Variants in CSMD1 observed in about 807,000 individuals in gnomAD.
CSMD1 encodes the protein CUB and Sushi multiple domains 1, also known as CUB and sushi domain-containing protein 1.
Under a neutral mutation model 417.5 loss-of-function variants are expected in CSMD1, and 213 were observed. The observed-to-expected ratio is 0.51, with a 90% CI of 0.46 to 0.57. The LOEUF (loss-of-function observed/expected upper bound fraction) is 0.57, where lower values mean the gene tolerates loss of function less well. Ranked by LOEUF, CSMD1 falls within the 20% of genes least tolerant of loss-of-function variation. The pLI, the probability that CSMD1 is intolerant of heterozygous loss-of-function variation, is 0.00. For missense variants in CSMD1, 6,923 were observed against 4,529.7 expected (o/e 1.53, Z -15.17); for synonymous variants, 2,862 against 1,736.8 (o/e 1.65, Z -16.11).
Position 4,882,581 on chromosome 8 carries a change from C to T in CSMD1, c.85+111751G>A, listed in dbSNP as rs559553457. The stretch of plus-strand genomic sequence containing the variant: ...CAACCCCACTTTCCCTAAGAACATT[C>T]AACCCCAAGCATAGAGAAAGATGCA... On this transcript the variant is annotated intron_variant, in intron 1 of 69. Coordinates refer to ENST00000635120, the MANE Select transcript of CSMD1 (RefSeq NM_033225.6). Among the ~76,000 whole-genome samples the T allele has an allele frequency of 2.6e-5, 4 of 151,982 alleles. No homozygotes were observed. The East Asian group carries it at 7.8e-4, about 30-fold the overall frequency.
intron 3 of CSMD1, among the ~76,000 whole-genome samples, chr8:4,075,380 A>G (rs1203988375): frequency 6.6e-6 from 1 of 152,208 alleles, no homozygotes; most frequent in Non-Finnish European, 1.5e-5. Flanking sequence ...TTGATGCTAA[A>G]GAACAGAAAA....
At chr8:3,670,009 A>G (rs921469867) in intron 7 of CSMD1, among the ~76,000 whole-genome samples, 7 of 152,202 alleles carry the variant, frequency 4.6e-5, no homozygotes, top group Admixed American at 2.0e-4. Context: ...ACATTTCTAA[A>G]TAAGTTATGT....
chr8:4,722,822 A>G lies in CSMD1; in HGVS notation c.86-85264T>C, dbSNP rs114496214. ...CTTGTTTTCTTCTACCTCTTAACAA[A>G]GTCATAAATACTACTGGAATGACAC... On this transcript the variant is annotated intron_variant, in intron 1 of 69. Coordinates refer to ENST00000635120, the MANE Select transcript of CSMD1 (RefSeq NM_033225.6). Among the ~76,000 whole-genome samples the G allele has an allele frequency of 2.2e-3, 328 of 152,306 alleles. 2 individuals are homozygous for G. Among genetic ancestry groups the G allele is most frequent in the African/African-American group, 7.6e-3 (316 of 41,568 alleles).
At chr8:3,440,686 T>C (rs1280217932) in intron 12 of CSMD1, among the ~76,000 whole-genome samples, 1 of 152,232 alleles carries the variant, frequency 6.6e-6, no homozygotes, top group South Asian at 2.1e-4. Context: ...AGCACTATAC[T>C]GAATGGGAAG....
At chr8:3,745,199 A>AT (rs1159053541) in intron 6 of CSMD1, among the ~76,000 whole-genome samples, 2 of 152,180 alleles carry the variant, frequency 1.3e-5, no homozygotes, top group African/African-American at 4.8e-5. Flanking sequence ...TCTCTGTTAT[A>AT]TTTTTTGGGG....
In CSMD1 at chr8:4,648,422, G is replaced by C. The variant is rs375419213; in HGVS notation, c.86-10864C>G. On this transcript the variant is annotated intron_variant, in intron 1 of 69. Transcript: ENST00000635120. ...AATGGTGCCTCAGCCATGAGTCTTG[G>C]GGCTCAGTCCACACCACAAGGGCAT... Among the ~76,000 whole-genome samples the C allele has an allele frequency of 5.9e-5, 9 of 152,084 alleles. No homozygotes were observed. The East Asian group carries it at 1.5e-3, about 26-fold the overall frequency.
intron 26 of CSMD1, among the ~76,000 whole-genome samples, chr8:3,269,390 A>G (rs1378508904): frequency 3.9e-5 from 6 of 152,216 alleles, no homozygotes; most frequent in Admixed American, 3.9e-4. Flanking sequence ...CATCAACCAC[A>G]CAGGCTTACG....
At chr8:3,507,065 T>G (rs1796857840) in intron 10 of CSMD1, among the ~76,000 whole-genome samples, 1 of 152,178 alleles carries the variant, frequency 6.6e-6, no homozygotes, top group Non-Finnish European at 1.5e-5. Flanking sequence ...TAGAGCTTGG[T>G]GTCATGGTTA....
intron 2 of CSMD1, among the ~76,000 whole-genome samples, chr8:4,623,145 A>C (rs10100024): frequency 6.6e-6 from 1 of 152,062 alleles, no homozygotes; most frequent in African/African-American, 2.4e-5. Context: ...TGATAACTCA[A>C]AGGGAAGACA....
chr8:3,164,182 C>T (rs1164589433), intron 37 of CSMD1, among the ~76,000 whole-genome samples: 1 of 152,150 alleles, frequency 6.6e-6, no homozygotes. Context: ...GCTACGGAAT[C>T]CAGGTCAGAA....
intron 2 of CSMD1, among the ~76,000 whole-genome samples, chr8:4,454,713 T>G (rs900119036): frequency 1.3e-5 from 2 of 152,158 alleles, no homozygotes; most frequent in African/African-American, 4.8e-5. Context: ...CCTGAAACTT[T>G]CGGTAAGTAA....
intron 1 of CSMD1, among the ~76,000 whole-genome samples, chr8:4,835,428 G>C (rs1394092856): frequency 6.6e-6 from 1 of 152,188 alleles, no homozygotes; most frequent in Non-Finnish European, 1.5e-5. Flanking sequence ...TAAGAGACAA[G>C]AGGTAGAACT....
intron 21 of CSMD1, among the ~76,000 whole-genome samples, chr8:3,353,603 G>A (rs1585042325): frequency 6.6e-6 from 1 of 152,144 alleles, no homozygotes; most frequent in Non-Finnish European, 1.5e-5. Context: ...TAAGTAAAGA[G>A]CAAGTGCTCA....
At chr8:4,365,139 T>C (rs1262773373) in intron 3 of CSMD1, among the ~76,000 whole-genome samples, 1 of 152,206 alleles carries the variant, frequency 6.6e-6, no homozygotes, top group South Asian at 2.1e-4. Flanking sequence ...TGAACTAATA[T>C]ACAGCATATC....
At chr8:4,068,689 A>G (rs1799386468) in intron 3 of CSMD1, among the ~76,000 whole-genome samples, 1 of 152,180 alleles carries the variant, frequency 6.6e-6, no homozygotes, top group African/African-American at 2.4e-5. Flanking sequence ...TATTATTCTC[A>G]TTTCAAGATA....
chr8:3,357,757 C>T (rs1222305155), intron 21 of CSMD1, among the ~76,000 whole-genome samples: 1 of 151,928 alleles, frequency 6.6e-6, no homozygotes, highest in African/African-American at 2.4e-5. Flanking sequence ...TGATCACCTG[C>T]AAAATACCGT....
intron 26 of CSMD1, among the ~76,000 whole-genome samples, chr8:3,233,411 C>T (rs1255530700): frequency 6.6e-6 from 1 of 152,192 alleles, no homozygotes; most frequent in Admixed American, 6.5e-5. Flanking sequence ...GGTCCCTCGA[C>T]CTTGGACTTC....
At chr8:4,404,810 G>C (rs945661180) in intron 3 of CSMD1, among the ~76,000 whole-genome samples, 4 of 151,998 alleles carry the variant, frequency 2.6e-5, no homozygotes, top group Non-Finnish European at 5.9e-5. Context: ...TGTTCTATGG[G>C]TACACAGTAA....
At chr8:3,468,453 G>C (rs112618022) in intron 12 of CSMD1, among the ~76,000 whole-genome samples, 2,769 of 152,218 alleles carry the variant, frequency 0.018, 100 homozygotes, top group African/African-American at 0.062. Context: ...ACACTTCCTA[G>C]CTTACACCTA....
Sources: allele counts gnomAD v4.1 joint callset (sites outside exome capture counted in the v4.1 genomes callset), GRCh38; gene constraint gnomAD v4.1.1; transcripts MANE v1.5; gene names NCBI Gene and HGNC (gene_info 2026-07-23, HGNC 2026-07-21).